NKAIN2: variants seen among roughly 807,000 people sequenced by gnomAD.
The protein encoded by NKAIN2 is sodium/potassium transporting ATPase interacting 2.
Under a neutral mutation model 32.6 loss-of-function variants are expected in NKAIN2, and 14 were observed. The ratio of observed to expected loss-of-function variants is 0.43; its 90% confidence interval spans 0.28 to 0.67. The LOEUF (loss-of-function observed/expected upper bound fraction) is 0.67, where lower values mean the gene tolerates loss of function less well. NKAIN2 is among the 30% of genes least tolerant of loss of function. The pLI, the probability that NKAIN2 is intolerant of heterozygous loss-of-function variation, is 0.17. For missense variants in NKAIN2, 198 were observed against 258.3 expected, an observed-to-expected ratio of 0.77 and a Z score of 1.60; for synonymous variants, 80 against 87.2, an observed-to-expected ratio of 0.92 and a Z score of 0.46.
At chr6:124,008,142 G>C (rs1401492213) in intron 1 of NKAIN2, among the ~76,000 whole-genome samples, 1 of 152,152 alleles carries the variant, frequency 6.6e-6, no homozygotes, top group African/African-American at 2.4e-5. Flanking sequence ...ACTAGGTTTT[G>C]TTGTTTGTTT....
At chr6:123,847,800 C>T (rs1043576640) in intron 1 of NKAIN2, among the ~76,000 whole-genome samples, 1 of 152,074 alleles carries the variant, frequency 6.6e-6, no homozygotes, top group Non-Finnish European at 1.5e-5. Flanking sequence ...ATACTGGCTG[C>T]AGTTTATAAT....
intron 2 of NKAIN2, among the ~76,000 whole-genome samples, chr6:124,333,659 CTAAA>C (rs36098572): frequency 4.5e-4 from 66 of 146,520 alleles, no homozygotes; most frequent in African/African-American, 1.4e-3. Flanking sequence ...GACTCAGTCT[CTAAA>C]TAAATAAATA....
intron 1 of NKAIN2, among the ~76,000 whole-genome samples, chr6:123,829,436 T>C (rs888447238): frequency 6.6e-6 from 1 of 152,214 alleles, no homozygotes; most frequent in Non-Finnish European, 1.5e-5. Context: ...TATAACATGA[T>C]AAAACTTGAT....
chr6:124,724,741 A>G (rs961036140), intron 4 of NKAIN2, among the ~76,000 whole-genome samples: 1 of 152,116 alleles, frequency 6.6e-6, no homozygotes, highest in Non-Finnish European at 1.5e-5. Flanking sequence ...AGTCTTTAGC[A>G]CAGTTTATTA....
At chr6:124,814,898 A>G (rs1422336670) in intron 5 of NKAIN2, among the ~76,000 whole-genome samples, 1 of 152,092 alleles carries the variant, frequency 6.6e-6, no homozygotes, top group Non-Finnish European at 1.5e-5. Context: ...TTAATTAAAT[A>G]TTTCAAAACA....
intron 3 of NKAIN2, among the ~76,000 whole-genome samples, chr6:124,397,426 A>G (rs1453026091): frequency 6.6e-6 from 1 of 152,060 alleles, no homozygotes; most frequent in African/African-American, 2.4e-5. Flanking sequence ...ATAGCTAACA[A>G]TTGTGTACAT....
chr6:124,039,556 T>G (rs1057035685), intron 1 of NKAIN2, among the ~76,000 whole-genome samples: 2 of 151,956 alleles, frequency 1.3e-5, no homozygotes, highest in African/African-American at 4.8e-5. Flanking sequence ...TTGTTTTTGC[T>G]TATATTCAAT....
At chr6:123,998,052 G>A (rs1328671090) in intron 1 of NKAIN2, among the ~76,000 whole-genome samples, 1 of 151,976 alleles carries the variant, frequency 6.6e-6, no homozygotes, top group African/African-American at 2.4e-5. Flanking sequence ...TCTGGGGTTG[G>A]GATTAAGTGC....
intron 1 of NKAIN2, among the ~76,000 whole-genome samples, chr6:123,901,609 T>A (rs1774590844): frequency 6.6e-6 from 1 of 152,168 alleles, no homozygotes; most frequent in Non-Finnish European, 1.5e-5. Context: ...GGTAGACATT[T>A]CCCTTCCGGC....
intron 4 of NKAIN2, among the ~76,000 whole-genome samples, chr6:124,690,324 A>C (rs1459803226): frequency 6.6e-6 from 1 of 152,146 alleles, no homozygotes; most frequent in East Asian, 1.9e-4. Flanking sequence ...TACAATTGCT[A>C]TGAGTTCCCA....
chr6:124,017,779 C>G (rs773213836), intron 1 of NKAIN2, among the ~76,000 whole-genome samples: 5 of 152,122 alleles, frequency 3.3e-5, no homozygotes, highest in Admixed American at 1.3e-4. Flanking sequence ...CAGCACCCCC[C>G]ACCCCGACCC....
At position 123,804,007 on chromosome 6, in the gene NKAIN2, T is replaced by TGCC. The variant is rs531771934; in HGVS notation, c.-176_-174dup. The stretch of plus-strand genomic sequence containing the variant: ...TATGTGTGGCGGGCGCGGCTGGAGC[T>TGCC]GCCGCCGCCGCCGCCGCCGCGCCAG... On this transcript the variant is annotated 5_prime_UTR_variant, in exon 1 of 7. Coordinates refer to ENST00000368417, the MANE Select transcript of NKAIN2 (RefSeq NM_001040214.3). The TGCC allele has an allele frequency of 1.7e-3, 1,003 of 599,202 alleles. 1 individual carries two copies. The highest frequency in any genetic ancestry group is 7.8e-3 in the East Asian group (274 of 35,316). 37.1% of individuals were successfully genotyped at this position (599,202 alleles called of 1,614,324 possible).
At chr6:123,974,132 T>C (rs796085985) in intron 1 of NKAIN2, among the ~76,000 whole-genome samples, 4 of 152,168 alleles carry the variant, frequency 2.6e-5, no homozygotes, top group African/African-American at 4.8e-5. Flanking sequence ...AACATCCTAA[T>C]AAAGAAAGGA....
At chr6:124,144,138 G>A (rs1341299710) in intron 1 of NKAIN2, among the ~76,000 whole-genome samples, 1 of 152,132 alleles carries the variant, frequency 6.6e-6, no homozygotes, top group African/African-American at 2.4e-5. Context: ...AATTCTAATT[G>A]AAATCTGAAA....
intron 1 of NKAIN2, among the ~76,000 whole-genome samples, chr6:124,215,254 A>G (rs758497812): frequency 1.3e-5 from 2 of 152,158 alleles, no homozygotes; most frequent in African/African-American, 4.8e-5. Context: ...ATGTAGCCAA[A>G]CTAGGTGAAA....
At chr6:124,818,052 A>G (rs1167406129) in intron 5 of NKAIN2, among the ~76,000 whole-genome samples, 2 of 152,182 alleles carry the variant, frequency 1.3e-5, no homozygotes, top group Non-Finnish European at 2.9e-5. Context: ...TACACTAACC[A>G]AAAAGGCATA....
chr6:124,806,006 C>T (rs1372698795), intron 5 of NKAIN2, among the ~76,000 whole-genome samples: 7 of 152,132 alleles, frequency 4.6e-5, no homozygotes, highest in Non-Finnish European at 7.4e-5. Context: ...ACTAAATCTA[C>T]GTCTGATTGG....
At chr6:124,158,495 A>G (rs1023586686) in intron 1 of NKAIN2, among the ~76,000 whole-genome samples, 2 of 152,174 alleles carry the variant, frequency 1.3e-5, no homozygotes, top group African/African-American at 4.8e-5. Flanking sequence ...GTGGAATCAG[A>G]CTAGACTGAT....
chr6:124,108,162 T>G (rs1418866874), intron 1 of NKAIN2, among the ~76,000 whole-genome samples: 2 of 152,128 alleles, frequency 1.3e-5, no homozygotes, highest in Admixed American at 6.6e-5. Context: ...TTCCAATATC[T>G]CCACCTCTTT....
Sources: allele counts gnomAD v4.1 joint callset (sites outside exome capture counted in the v4.1 genomes callset), GRCh38; gene constraint gnomAD v4.1.1; transcripts MANE v1.5; gene names NCBI Gene and HGNC (gene_info 2026-07-23, HGNC 2026-07-21).